The following RALYL variants were observed in gnomAD, a reference collection of about 807,000 sequenced individuals.
RALYL encodes the protein RALY RNA binding protein like.
A neutral mutation model predicts 35.1 loss-of-function variants in RALYL; 29 were observed. The observed-to-expected ratio is 0.83, with a 90% CI of 0.61 to 1.13. RALYL has a LOEUF of 1.13. Among genes scored for constraint, RALYL ranks in the 50% most tolerant of loss-of-function variants. The pLI is 0.00. For synonymous variants in RALYL, 120 were observed against 127.6 expected, an observed-to-expected ratio of 0.94 and a Z score of 0.40; for missense variants, 359 against 360.4, an observed-to-expected ratio of 1.00 and a Z score of 0.03.
chr8:84,907,265 G>C (rs545077412), intron 8 of RALYL, among the ~76,000 whole-genome samples: 2 of 150,796 alleles, frequency 1.3e-5, no homozygotes, highest in South Asian at 2.1e-4. Flanking sequence ...GTGGAAAACA[G>C]CTTATCTTTA....
intron 5 of RALYL, among the ~76,000 whole-genome samples, chr8:84,851,298 T>G (rs920868335): frequency 3.3e-5 from 5 of 152,334 alleles, no homozygotes; most frequent in African/African-American, 1.2e-4. Context: ...TGCACATTTA[T>G]TATTTATGCA....
At chr8:84,703,908 A>G (rs909461660) in intron 2 of RALYL, among the ~76,000 whole-genome samples, 9 of 152,160 alleles carry the variant, frequency 5.9e-5, no homozygotes, top group Admixed American at 4.6e-4. Flanking sequence ...TTAGATCTTC[A>G]TACCTGTGAA....
At chr8:84,480,927 A>G (rs2133880283) in intron 1 of RALYL, among the ~76,000 whole-genome samples, 1 of 152,308 alleles carries the variant, frequency 6.6e-6, no homozygotes, top group Non-Finnish European at 1.5e-5. Flanking sequence ...AAAAAGTCTA[A>G]AATAAATAGA....
At chr8:84,611,418 G>C (rs543699093) in intron 2 of RALYL, among the ~76,000 whole-genome samples, 1 of 152,152 alleles carries the variant, frequency 6.6e-6, no homozygotes, top group Admixed American at 6.6e-5. Context: ...TTAAAACCAA[G>C]AAAGTCCTGG....
Position 84,645,875 on chromosome 8 carries a change from C to T in RALYL, c.256+116298C>T, listed in dbSNP as rs143522857. Among the ~76,000 whole-genome samples the T allele has an allele frequency of 6.6e-5, 10 of 152,016 alleles. No individual in the cohort carries two copies. The East Asian group carries it at 1.9e-3, about 29-fold the overall frequency. On this transcript the variant is annotated intron_variant, in intron 2 of 8. Coordinates refer to ENST00000521268, the MANE Select transcript of RALYL (RefSeq NM_173848.7). Reference sequence around the variant, plus strand: ...GCCTGTCTATTCTCATGCTTTTGTACCTTGTCATTTCATTTCCTGGAGACC... The same window carrying T: ...GCCTGTCTATTCTCATGCTTTTGTATCTTGTCATTTCATTTCCTGGAGACC...
At chr8:84,238,922 G>A (rs930227835) in intron 1 of RALYL, among the ~76,000 whole-genome samples, 1 of 152,158 alleles carries the variant, frequency 6.6e-6, no homozygotes, top group Admixed American at 6.5e-5. Context: ...CTTGTTTCTT[G>A]TTACGAGTTT....
intron 1 of RALYL, among the ~76,000 whole-genome samples, chr8:84,325,701 A>G (rs34319613): frequency 6.6e-6 from 1 of 152,152 alleles, no homozygotes; most frequent in African/African-American, 2.4e-5. Context: ...CTGCCCAGTT[A>G]GTATCTGAGA....
At position 84,185,115 on chromosome 8, in the gene RALYL, A is replaced by G. The variant is rs1052912959; in HGVS notation, c.-24+691A>G. On this transcript the variant is annotated intron_variant, in intron 1 of 8. Transcript: ENST00000521268. ...TTCCCTGTTGTGTTGCGTTGGTTTTAAGTGCCTGCTGGTGTCGTCTTCCAG... is the reference window on the plus strand; with the variant it reads ...TTCCCTGTTGTGTTGCGTTGGTTTTGAGTGCCTGCTGGTGTCGTCTTCCAG... The G allele has an allele frequency of 8.1e-6, 10 of 1,232,750 alleles. No individual in the cohort carries two copies. The East Asian group carries it at 2.3e-4, about 29-fold the overall frequency. 76.4% of individuals were successfully genotyped at this position (1,232,750 alleles called of 1,614,324 possible).
chr8:84,573,302 C>T (rs1430055199), intron 2 of RALYL, among the ~76,000 whole-genome samples: 2 of 151,598 alleles, frequency 1.3e-5, no homozygotes, highest in African/African-American at 2.4e-5. Context: ...GCTATTTTGT[C>T]CTCATTTTAA....
At chr8:84,458,856 CTTATATT>C (rs1361314135) in intron 1 of RALYL, among the ~76,000 whole-genome samples, 2 of 151,556 alleles carry the variant, frequency 1.3e-5, no homozygotes, top group African/African-American at 4.8e-5. Context: ...CTAAAGCCAT[CTTATATT>C]TTAAGTAGAT....
At chr8:84,377,740 G>A (rs73298735) in intron 1 of RALYL, among the ~76,000 whole-genome samples, 4,470 of 151,698 alleles carry the variant, frequency 0.029, 213 homozygotes, top group African/African-American at 0.1. Context: ...TGATTTTCAT[G>A]TAAACCATTG....
intron 1 of RALYL, among the ~76,000 whole-genome samples, chr8:84,467,059 G>C (rs1242098983): frequency 6.6e-6 from 1 of 152,040 alleles, no homozygotes; most frequent in East Asian, 1.9e-4. Flanking sequence ...CTTGCTAGCG[G>C]TCTATCAATT....
chr8:84,645,067 A>G (rs1242519718), intron 2 of RALYL, among the ~76,000 whole-genome samples: 2 of 151,998 alleles, frequency 1.3e-5, no homozygotes, highest in Non-Finnish European at 2.9e-5. Flanking sequence ...TCCTTTGTGT[A>G]TAGCATAGAA....
At chr8:84,403,424 C>G (rs746964417) in intron 1 of RALYL, among the ~76,000 whole-genome samples, 5 of 151,436 alleles carry the variant, frequency 3.3e-5, no homozygotes, top group African/African-American at 4.9e-5. Flanking sequence ...GAATACTTAC[C>G]CCATTGCTTG....
chr8:84,501,022 T>G (rs890256357), intron 1 of RALYL, among the ~76,000 whole-genome samples: 8 of 152,164 alleles, frequency 5.3e-5, no homozygotes, highest in African/African-American at 1.9e-4. Context: ...CTTTTGAGAT[T>G]CATGTTAATA....
intron 1 of RALYL, among the ~76,000 whole-genome samples, chr8:84,260,181 A>G (rs1831987048): frequency 6.6e-6 from 1 of 152,214 alleles, no homozygotes; most frequent in Admixed American, 6.5e-5. Context: ...CATTAGCCCC[A>G]GAAACATGCA....
At chr8:84,498,080 A>C (rs1329997725) in intron 1 of RALYL, among the ~76,000 whole-genome samples, 1 of 151,982 alleles carries the variant, frequency 6.6e-6, no homozygotes, top group East Asian at 1.9e-4. Flanking sequence ...AAGGTTGTGA[A>C]TATAATACCT....
At chr8:84,310,526 G>C (rs1842568101) in intron 1 of RALYL, among the ~76,000 whole-genome samples, 1 of 151,628 alleles carries the variant, frequency 6.6e-6, no homozygotes, top group Non-Finnish European at 1.5e-5. Flanking sequence ...GGAAGGGAAG[G>C]GAAATGAACG....
chr8:84,918,415 C>A (rs1848807216), intron 8 of RALYL, among the ~76,000 whole-genome samples: 1 of 151,994 alleles, frequency 6.6e-6, no homozygotes, highest in Non-Finnish European at 1.5e-5. Context: ...CCAGTCCCAT[C>A]CGAGTAGATC....
Sources: gnomAD v4.1 joint callset for allele counts (sites outside exome capture counted in the v4.1 genomes callset) on GRCh38, gnomAD v4.1.1 for gene constraint, MANE v1.5 for transcripts, NCBI Gene and HGNC (gene_info 2026-07-23, HGNC 2026-07-21) for gene names.